Variants in MAP3K15 observed in about 807,000 individuals in gnomAD.
The protein encoded by MAP3K15 is mitogen-activated protein kinase kinase kinase 15.
Under a neutral mutation model 99.5 loss-of-function variants are expected in MAP3K15, and 124 were observed. The observed-to-expected ratio is 1.25, with a 90% CI of 1.08 to 1.45. The LOEUF (loss-of-function observed/expected upper bound fraction) is 1.45. MAP3K15 is among the 40% of genes most tolerant of loss of function. The pLI, the probability that MAP3K15 is intolerant of heterozygous loss-of-function variation, is 0.00. For synonymous variants in MAP3K15, 494 were observed against 439.6 expected, an observed-to-expected ratio of 1.12 and a Z score of -1.55; for missense variants, 1,242 against 1,079.7, an observed-to-expected ratio of 1.15 and a Z score of -2.11.
At chrX:19,364,188 C>T (rs537556403) in intron 25 of MAP3K15, among the ~76,000 whole-genome samples, 4 of 112,079 alleles carry the variant, frequency 3.6e-5, no homozygotes, top group Admixed American at 9.4e-5. Flanking sequence ...AGTTAAGTAA[C>T]GCCCAGAGTC....
rs1013465458 is a variant in MAP3K15 at position 19,507,967 on chromosome X, C to T, written c.361+6934G>A. Among the ~76,000 whole-genome samples the T allele has an allele frequency of 4.1e-4, 46 of 111,498 alleles. 1 individual carries two copies. Among genetic ancestry groups the T allele is most frequent in the Admixed American group, 1.6e-3 (17 of 10,418 alleles). ...ACTGCAACCTCTGCCTTCTGGGTTC[C>T]AGCAATTCTCCTGGCTCAGCCTCCC... On this transcript the variant is annotated intron_variant, in intron 1 of 28. Coordinates refer to ENST00000338883, the MANE Select transcript of MAP3K15 (RefSeq NM_001001671.4).
intron 6 of MAP3K15, 76 bp from the exon 7 acceptor site, chrX:19,431,684 A>C: frequency 1.1e-6 from 1 of 920,150 alleles, no homozygotes; most frequent in Non-Finnish European, 1.5e-6. Flanking sequence ...AGTGGCTCCC[A>C]CCTGTAATCC....
In MAP3K15 at chrX:19,374,497, C is replaced by T. The variant is rs143201437; in HGVS notation, c.2753G>A (p.Arg918Gln). 1.9e-4 allele frequency: 235 copies of T among 1,209,097 alleles called. No individual in the cohort carries two copies. Among genetic ancestry groups the T allele is most frequent in the Middle Eastern group, 2.3e-4 (1 of 4,261 alleles). The change falls in exon 20 of 29, where the codon CGA becomes CAA. Residue 918 changes from arginine (R) to glutamine (Q), a missense_variant. Transcript: ENST00000338883. ...CTCACCTGAGGGCTTGAAGGCAATT[C>T]GGTTCTTCTTGCCCTTGTTCACCTG... ...LRQVNKGKKN[R>Q]IAFKPSEGPR...
chrX:19,460,472 G>A (rs2064124308), intron 4 of MAP3K15, among the ~76,000 whole-genome samples: 1 of 112,133 alleles, frequency 8.9e-6, no homozygotes, highest in Non-Finnish European at 1.9e-5. Context: ...TATAGAGGGT[G>A]AGAAGTTACC....
In MAP3K15 at chrX:19,407,263, C is replaced by G. The variant is rs756604817; in HGVS notation, c.1769G>C (p.Arg590Thr). The G allele has an allele frequency of 8.5e-7, 1 of 1,182,531 alleles. No individual in the cohort carries two copies. The change falls in exon 13 of 29, where the codon AGG becomes ACG. Residue 590 changes from arginine (R) to threonine (T), a missense_variant. Coordinates refer to ENST00000338883, the MANE Select transcript of MAP3K15 (RefSeq NM_001001671.4). ...ATCATGGACATAAAGAAAACAACAC[C>G]TTTCATCAAACTTTGATAGGCTGTA... ...KGISLSKFDE[R>T]CCFLYVHDNS...
At chrX:19,498,551 T>G (rs2064421308) in intron 1 of MAP3K15, among the ~76,000 whole-genome samples, 2 of 112,257 alleles carry the variant, frequency 1.8e-5, no homozygotes, top group Admixed American at 1.9e-4. Context: ...AAGACATGTT[T>G]AGAAGGTTTC....
intron 25 of MAP3K15, 149 bp downstream of exon 25, chrX:19,368,905 G>A (rs1427714682): frequency 2.4e-5 from 10 of 422,888 alleles, no homozygotes; most frequent in Non-Finnish European, 3.2e-5. Flanking sequence ...CTGAGAATAT[G>A]CGCCCTTGCC....
At chrX:19,407,878 G>A (rs2063658858) in intron 12 of MAP3K15, among the ~76,000 whole-genome samples, 1 of 111,808 alleles carries the variant, frequency 8.9e-6, no homozygotes, top group Non-Finnish European at 1.9e-5. Context: ...ATGTCAGAGA[G>A]CAGTGGCCCT....
At chrX:19,510,251 A>G (rs1432319065) in intron 1 of MAP3K15, among the ~76,000 whole-genome samples, 1 of 112,049 alleles carries the variant, frequency 8.9e-6, no homozygotes, top group Non-Finnish European at 1.9e-5. Context: ...CAGAGACACA[A>G]CAAAAAAAGA....
chrX:19,496,223 C>T (rs990038570), intron 1 of MAP3K15, among the ~76,000 whole-genome samples: 24 of 109,831 alleles, frequency 2.2e-4, no homozygotes, highest in African/African-American at 7.6e-4. Flanking sequence ...TGCACCACCA[C>T]GCCAGGCTAA....
intron 6 of MAP3K15, among the ~76,000 whole-genome samples, chrX:19,450,142 C>T (rs767362925): frequency 9.1e-6 from 1 of 109,496 alleles, no homozygotes; most frequent in Non-Finnish European, 1.9e-5. Context: ...GAACTGGAAC[C>T]CAAATCTGTC....
chrX:19,457,812 T>C (rs2064104684), intron 5 of MAP3K15, among the ~76,000 whole-genome samples: 2 of 111,418 alleles, frequency 1.8e-5, no homozygotes, highest in African/African-American at 3.3e-5. Flanking sequence ...TAATTCTCTG[T>C]TGTGGGAGCT....
rs763174283 is a variant in MAP3K15, at chrX:19,514,882, G to C, written c.361+19C>G. ...GGGTAGGTGAACTGGGACTGAGGTG[G>C]GGACGAAGCCGCTCTCACCTGCGTC... On this transcript the variant is annotated intron_variant, in intron 1 of 28. Transcript: ENST00000338883. 1 of 1,049,027 alleles carries C rather than the reference G, an allele frequency of 9.5e-7. No individual in the cohort carries two copies. The highest frequency in any genetic ancestry group is 1.3e-6 in the Non-Finnish European group (1 of 798,373). The allele number at this position is 1,049,027 out of a possible 1,213,427, so 86.5% of individuals were successfully genotyped here.
chrX:19,511,718 T>C (rs2064520028), intron 1 of MAP3K15, among the ~76,000 whole-genome samples: 2 of 111,988 alleles, frequency 1.8e-5, no homozygotes, highest in South Asian at 7.5e-4. Context: ...ACACTGTTGG[T>C]GGGAGTGTGA....
At chrX:19,419,847 C>T (rs1274482800) in intron 9 of MAP3K15, among the ~76,000 whole-genome samples, 1 of 112,136 alleles carries the variant, frequency 8.9e-6, no homozygotes, top group East Asian at 2.8e-4. Flanking sequence ...CTCTCTCAGA[C>T]CACAGTGCAA....
intron 6 of MAP3K15, among the ~76,000 whole-genome samples, chrX:19,435,294 C>T (rs759647512): frequency 1.9e-5 from 2 of 106,214 alleles, no homozygotes; most frequent in Admixed American, 1.0e-4. Context: ...GGTACGATCT[C>T]GGTTCACTAC....
At chrX:19,433,178 G>A (rs766091811) in intron 6 of MAP3K15, among the ~76,000 whole-genome samples, 4 of 111,635 alleles carry the variant, frequency 3.6e-5, no homozygotes, top group Non-Finnish European at 3.8e-5. Flanking sequence ...GGGGTAGATG[G>A]GGGTTTATTA....
At chrX:19,385,991 A>G (rs2063491650) in intron 18 of MAP3K15, among the ~76,000 whole-genome samples, 1 of 112,097 alleles carries the variant, frequency 8.9e-6, no homozygotes, top group African/African-American at 3.2e-5. Flanking sequence ...AGAGAGAGAT[A>G]AATGCACACA....
rs887751274 is a variant in MAP3K15 at position 19,370,991 on chromosome X, G to A, written c.3368C>T (p.Ala1123Val). 26 of 1,171,704 alleles carry A rather than the reference G, an allele frequency of 2.2e-5. No individual in the cohort carries two copies. Among genetic ancestry groups the A allele is most frequent in the Middle Eastern group, 2.4e-4 (1 of 4,213 alleles). The stretch of plus-strand genomic sequence containing the variant: ...GAGAATGGTGACCGCGGCCTGCACC[G>A]CTCGGCGGATGATGTTGTCCATCGC... ...MFAMDNIIRR[A>V]VQAAVTILIP... is the part of the protein sequence containing the mutation. The change falls in exon 24 of 29, where the codon GCG (alanine) becomes GTG (valine). Residue 1123 changes from alanine (A) to valine (V), a missense_variant. Coordinates refer to ENST00000338883, the MANE Select transcript of MAP3K15 (RefSeq NM_001001671.4).
Sources: gnomAD v4.1 joint callset for allele counts (sites outside exome capture counted in the v4.1 genomes callset) on GRCh38, gnomAD v4.1.1 for gene constraint, MANE v1.5 for transcripts, NCBI Gene and HGNC (gene_info 2026-07-23, HGNC 2026-07-21) for gene names.